Variants in NAPB observed in about 807,000 individuals in gnomAD.
NAPB encodes the protein beta-soluble NSF attachment protein.
A neutral mutation model predicts 44.7 loss-of-function variants in NAPB; 26 were observed. The observed-to-expected ratio is 0.58, with a 90% CI of 0.43 to 0.81. The LOEUF (loss-of-function observed/expected upper bound fraction) is 0.81, where lower values mean the gene tolerates loss of function less well. NAPB is among the 30% of genes least tolerant of loss of function. The probability of loss-of-function intolerance (pLI) is 0.00; values close to 1 mark genes in which losing one functional copy is unlikely to be tolerated. For synonymous variants in NAPB, 120 were observed against 116.8 expected (o/e 1.03, Z -0.18); for missense variants, 315 against 356.4 (o/e 0.88, Z 0.94).
At chr20:23,402,855 C>A in intron 2 of NAPB, 138 bp downstream of exon 2, 1 of 650,216 alleles carries the variant, frequency 1.5e-6, no homozygotes, top group Non-Finnish European at 2.7e-6. Context: ...ATGTCAGTAG[C>A]AGCCACATCA....
intron 1 of NAPB, among the ~76,000 whole-genome samples, chr20:23,410,001 G>C (rs574021453): frequency 1.3e-3 from 197 of 152,270 alleles, no homozygotes; most frequent in African/African-American, 4.1e-3. Flanking sequence ...TGGAAGACCT[G>C]GCAGGTTAGA....
intron 5 of NAPB, 128 bp downstream of exon 5, chr20:23,394,794 A>G (rs1490885794): frequency 3.5e-6 from 3 of 847,786 alleles, no homozygotes; most frequent in Admixed American, 2.7e-5. Context: ...ACTTTGCCAG[A>G]AAGTCTCCAG....
chr20:23,384,538 C>T (rs1314708201), intron 7 of NAPB, among the ~76,000 whole-genome samples: 1 of 151,858 alleles, frequency 6.6e-6, no homozygotes, highest in Non-Finnish European at 1.5e-5. Context: ...GGGAGGACTG[C>T]TTGAGGTTGG....
rs1404630955 is a variant in NAPB at position 23,375,714 on chromosome 20, T to C, written c.*1662A>G. The C allele has an allele frequency of 6.6e-6, 1 of 152,144 alleles. No individual in the cohort carries two copies. Among genetic ancestry groups the C allele is most frequent in the East Asian group, 1.9e-4 (1 of 5,200 alleles). The allele number at this position is 152,144 out of a possible 1,614,324, so 9.4% of individuals were successfully genotyped here. ...GGCCCAACAGACAGAGTGTCTTCAT[T>C]GCCACCCCCAGTAGTGGGGACTACA... On this transcript the variant is annotated 3_prime_UTR_variant, in exon 11 of 11. Coordinates refer to ENST00000377026, the MANE Select transcript of NAPB (RefSeq NM_022080.3).
chr20:23,377,515 A>AC lies in NAPB; in HGVS notation c.787-30dup, dbSNP rs1307560169. ...GTATAAGGAAAGAGGAACAGGAATT[A>AC]CCCCATGTAAATACATTAAAAACAC... On this transcript the variant is annotated intron_variant, in intron 10 of 10. Transcript: ENST00000377026. 1.1e-5 allele frequency: 16 copies of AC among 1,475,438 alleles called. No individual in the cohort carries two copies. The African/African-American group carries it at 2.2e-4, about 20-fold the overall frequency. The allele number at this position is 1,475,438 out of a possible 1,614,324, so 91.4% of individuals were successfully genotyped here. A position where few individuals can be genotyped will look rare whatever the true frequency, so the allele number is the denominator to read the frequency against.
At chr20:23,418,966 T>G (rs1310005770) in intron 1 of NAPB, among the ~76,000 whole-genome samples, 1 of 152,002 alleles carries the variant, frequency 6.6e-6, no homozygotes, top group Non-Finnish European at 1.5e-5. Flanking sequence ...AAATCAATGA[T>G]GCAGTCTACG....
At chr20:23,379,569 T>G in intron 9 of NAPB, 74 bp from the exon 10 acceptor site, 2 of 1,183,246 alleles carry the variant, frequency 1.7e-6, no homozygotes, top group Non-Finnish European at 2.4e-6. Flanking sequence ...ACTTTAAGTA[T>G]AATACCAATG....
intron 1 of NAPB, among the ~76,000 whole-genome samples, chr20:23,406,440 A>G (rs915856236): frequency 4.6e-5 from 7 of 152,160 alleles, no homozygotes; most frequent in Non-Finnish European, 8.8e-5. Context: ...ATTGTACGGT[A>G]TGTGTATTAA....
chr20:23,386,504 AAT>A (rs935758989), intron 7 of NAPB, among the ~76,000 whole-genome samples: 1 of 152,234 alleles, frequency 6.6e-6, no homozygotes, highest in Admixed American at 6.5e-5. Context: ...ACTAACGATC[AAT>A]ATCCTTTATG....
Position 23,421,474 on chromosome 20 carries a change from G to A in NAPB, c.-72C>T, listed in dbSNP as rs2123290267. 1 of 1,369,904 alleles carries A rather than the reference G, an allele frequency of 7.3e-7. No homozygotes were observed. Among genetic ancestry groups the A allele is most frequent in the Non-Finnish European group, 9.8e-7 (1 of 1,016,490 alleles). The allele number at this position is 1,369,904 out of a possible 1,614,324, so 84.9% of individuals were successfully genotyped here. On this transcript the variant is annotated 5_prime_UTR_variant, in exon 1 of 11. Transcript: ENST00000377026. ...GCCCAGGCGCCTTAACCCTCCCTCT[G>A]GCGGCCGCAGGGACGCAGGCGCAGG...
chr20:23,395,028 C>T (rs376892093), intron 4 of NAPB, 29 bp from the exon 5 acceptor site: 68 of 1,613,390 alleles, frequency 4.2e-5, no homozygotes, highest in Non-Finnish European at 5.3e-5. Flanking sequence ...AACAGTCACA[C>T]ACCGATTTTA....
intron 7 of NAPB, among the ~76,000 whole-genome samples, chr20:23,386,202 C>T (rs2123154054): frequency 6.6e-6 from 1 of 152,120 alleles, no homozygotes; most frequent in South Asian, 2.1e-4. Context: ...ACTAAAAATG[C>T]ATACACAACA....
chr20:23,376,696 CGT>C lies in NAPB; in HGVS notation c.*678_*679del, dbSNP rs763344810. On this transcript the variant is annotated 3_prime_UTR_variant, in exon 11 of 11. Coordinates refer to ENST00000377026, the MANE Select transcript of NAPB (RefSeq NM_022080.3). ...TGTGATATGTGTGTGTGTGTAAACGCGTGTGTCTAAGTACAAATCAAATTCAC... is the reference window on the plus strand; with the variant it reads ...TGTGATATGTGTGTGTGTGTAAACGCGTGTCTAAGTACAAATCAAATTCAC... 1 of 152,120 alleles carries C rather than the reference CGT, an allele frequency of 6.6e-6. No homozygotes were observed. The highest frequency in any genetic ancestry group is 1.9e-4 in the East Asian group (1 of 5,198). The allele number at this position is 152,120 out of a possible 1,614,324, so 9.4% of individuals were successfully genotyped here.
At chr20:23,389,607 C>A (rs1419021582) in intron 7 of NAPB, among the ~76,000 whole-genome samples, 1 of 152,108 alleles carries the variant, frequency 6.6e-6, no homozygotes, top group African/African-American at 2.4e-5. Context: ...GAAAACAATA[C>A]ACTAAGTGAA....
intron 1 of NAPB, among the ~76,000 whole-genome samples, chr20:23,410,260 A>G (rs1312679117): frequency 6.6e-6 from 1 of 152,196 alleles, no homozygotes; most frequent in East Asian, 1.9e-4. Flanking sequence ...TACCTACACA[A>G]CGCAGCATTT....
At chr20:23,401,298 T>G (rs1359349426) in intron 2 of NAPB, among the ~76,000 whole-genome samples, 1 of 152,190 alleles carries the variant, frequency 6.6e-6, no homozygotes, top group Non-Finnish European at 1.5e-5. Context: ...CTAGTGTTCC[T>G]TCACTGGAAC....
At chr20:23,420,944 G>GA (rs1303421193) in intron 1 of NAPB, among the ~76,000 whole-genome samples, 1 of 149,812 alleles carries the variant, frequency 6.7e-6, no homozygotes, top group Admixed American at 6.6e-5. Flanking sequence ...CGTGTTAGGG[G>GA]ATCCGGAGAG....
At chr20:23,377,593 T>C in intron 10 of NAPB, 107 bp from the exon 11 acceptor site, 1 of 499,534 alleles carries the variant, frequency 2.0e-6, no homozygotes, top group Non-Finnish European at 3.3e-6. Flanking sequence ...ATCTACTAAC[T>C]TTCTTCATCA....
At chr20:23,420,657 G>T (rs1986334502) in intron 1 of NAPB, among the ~76,000 whole-genome samples, 1 of 152,076 alleles carries the variant, frequency 6.6e-6, no homozygotes, top group Non-Finnish European at 1.5e-5. Context: ...GACTCGCTAC[G>T]CACTGAGAAG....
Sources: gnomAD v4.1 joint callset for allele counts (sites outside exome capture counted in the v4.1 genomes callset) on GRCh38, gnomAD v4.1.1 for gene constraint, MANE v1.5 for transcripts, NCBI Gene and HGNC (gene_info 2026-07-23, HGNC 2026-07-21) for gene names.